The following ZFHX3 variants were observed in gnomAD, a reference collection of about 807,000 sequenced individuals.
ZFHX3 encodes the protein zinc finger homeobox 3.
In ZFHX3, 42 loss-of-function variants were observed where a neutral mutation model predicts 279.1. That is an observed-to-expected ratio of 0.15 (90% confidence interval 0.12 to 0.19). ZFHX3 has a LOEUF of 0.19. Ranked by LOEUF, ZFHX3 falls within the 10% of genes least tolerant of loss-of-function variation. The pLI is 1.00. For synonymous variants in ZFHX3, 2,293 were observed against 1,957.8 expected (o/e 1.17, Z -4.52); for missense variants, 4,981 against 4,754.0 (o/e 1.05, Z -1.40).
chr16:73,629,002 A>G (rs541223051), intron 2 of ZFHX3, among the ~76,000 whole-genome samples: 1 of 152,344 alleles, frequency 6.6e-6, no homozygotes, highest in South Asian at 2.1e-4. Flanking sequence ...CAATGAATCC[A>G]CAATGCACAC....
intron 5 of ZFHX3, among the ~76,000 whole-genome samples, chr16:73,216,739 G>A (rs1159934700): frequency 1.3e-5 from 2 of 151,866 alleles, no homozygotes; most frequent in African/African-American, 2.4e-5. Flanking sequence ...CTCCAGCCTG[G>A]GTGACCGAGC....
At chr16:73,368,597 T>A (rs1254623192) in intron 3 of ZFHX3, among the ~76,000 whole-genome samples, 3 of 152,198 alleles carry the variant, frequency 2.0e-5, no homozygotes, top group Admixed American at 6.5e-5. Flanking sequence ...GTCACTTGAA[T>A]CACTTAAAAA....
Position 72,958,235 on chromosome 16 carries a change from C to T in ZFHX3, c.1911G>A (p.Gly637=). 5.0e-6 allele frequency: 8 copies of T among 1,612,788 alleles called. No individual in the cohort carries two copies. The highest frequency in any genetic ancestry group is 6.8e-6 in the Non-Finnish European group (8 of 1,178,876). ...CGCATTTGGGGCACTCCACGCCACT[C>T]CCCGAGGGGCACTCCCCAACCCCAA... ...CELGVGECPS[G]SGVECPKCDT... Residue 637 remains glycine (G), a synonymous_variant, in exon 2 of 10, where the codon GGG becomes GGA. Coordinates refer to ENST00000268489, the MANE Select transcript of ZFHX3 (RefSeq NM_006885.4).
chr16:73,298,639 G>T (rs1416662334), intron 4 of ZFHX3, among the ~76,000 whole-genome samples: 1 of 152,118 alleles, frequency 6.6e-6, no homozygotes, highest in Non-Finnish European at 1.5e-5. Context: ...GTGGCCAGCT[G>T]TGATGCTCTT....
At chr16:73,174,654 G>A (rs546830756) in intron 5 of ZFHX3, among the ~76,000 whole-genome samples, 15 of 151,994 alleles carry the variant, frequency 9.9e-5, no homozygotes, top group Admixed American at 5.2e-4. Context: ...CCTTCTAAAT[G>A]GTCCCCACAC....
chr16:73,148,522 C>G lies in ZFHX3; in HGVS notation c.-1103-4691G>C, dbSNP rs141807463. 2.6e-3 allele frequency among the ~76,000 whole-genome samples: 386 copies of G among 146,526 alleles called. 2 individuals carry two copies. Among genetic ancestry groups the G allele is most frequent in the African/African-American group, 9.3e-3 (369 of 39,778 alleles). Reference sequence around the variant, plus strand: ...AATTTCTTCAGAGATTAAAGAATGGCCGCAAATGCGCCTTCGTCTGGCAAA... The same window carrying G: ...AATTTCTTCAGAGATTAAAGAATGGGCGCAAATGCGCCTTCGTCTGGCAAA... On this transcript the variant is annotated intron_variant, in intron 5 of 17. Coordinates refer to the ZFHX3 transcript ENST00000641206.
chr16:73,036,712 C>T (rs1471916699), intron 1 of ZFHX3, among the ~76,000 whole-genome samples: 7 of 151,762 alleles, frequency 4.6e-5, no homozygotes, highest in Non-Finnish European at 1.0e-4. Context: ...CTCGGTCGGT[C>T]GCTAGGAGAA....
chr16:73,569,856 C>T (rs2143804257), intron 2 of ZFHX3, among the ~76,000 whole-genome samples: 1 of 151,684 alleles, frequency 6.6e-6, no homozygotes, highest in Middle Eastern at 3.4e-3. Flanking sequence ...TCTTTATTAT[C>T]TTAATCTGCA....
At chr16:73,345,299 G>A (rs920174551) in intron 3 of ZFHX3, among the ~76,000 whole-genome samples, 8 of 152,004 alleles carry the variant, frequency 5.3e-5, no homozygotes, top group Non-Finnish European at 1.0e-4. Context: ...ATAGGTAAAC[G>A]TGTGTCATGG....
chr16:73,533,768 G>A (rs541672993), intron 2 of ZFHX3, among the ~76,000 whole-genome samples: 1 of 152,182 alleles, frequency 6.6e-6, no homozygotes, highest in Non-Finnish European at 1.5e-5. Flanking sequence ...AAAGTACTGG[G>A]AGGTCATCTT....
intron 3 of ZFHX3, among the ~76,000 whole-genome samples, chr16:73,407,765 T>A (rs1256153742): frequency 1.3e-5 from 2 of 152,282 alleles, no homozygotes; most frequent in South Asian, 4.1e-4. Context: ...CAGAGTGAAA[T>A]AAAGAGTAAA....
chr16:73,204,356 C>T (rs559639490), intron 5 of ZFHX3, among the ~76,000 whole-genome samples: 2 of 151,936 alleles, frequency 1.3e-5, no homozygotes, highest in African/African-American at 4.8e-5. Flanking sequence ...TCAATGGGAG[C>T]TCTGAGCTTG....
chr16:73,727,069 G>T (rs1464126244), intron 1 of ZFHX3, among the ~76,000 whole-genome samples: 1 of 152,198 alleles, frequency 6.6e-6, no homozygotes, highest in East Asian at 1.9e-4. Context: ...GGCCATCCAG[G>T]AGGACTAGGG....
chr16:73,326,704 C>T (rs983987138), intron 3 of ZFHX3, among the ~76,000 whole-genome samples: 2 of 152,158 alleles, frequency 1.3e-5, no homozygotes, highest in African/African-American at 4.8e-5. Context: ...GATGGTTGCA[C>T]AAACCTGTGA....
intron 3 of ZFHX3, among the ~76,000 whole-genome samples, chr16:73,370,269 CG>C: frequency 1.3e-5 from 2 of 152,348 alleles, no homozygotes; most frequent in Admixed American, 1.3e-4. Context: ...GTGTCAGCTT[CG>C]GGAGTCAGAA....
chr16:72,809,529 A>G (rs2036375415), intron 7 of ZFHX3: 1 of 150,722 alleles, frequency 6.6e-6, no homozygotes. Flanking sequence ...CAGAAAGTTA[A>G]TTTAACTTCA....
At chr16:73,065,934 G>A (rs1471921902) in intron 8 of ZFHX3, among the ~76,000 whole-genome samples, 3 of 152,230 alleles carry the variant, frequency 2.0e-5, no homozygotes, top group South Asian at 2.1e-4. Context: ...CTTCCCGTGC[G>A]CTCATGACAC....
intron 1 of ZFHX3, among the ~76,000 whole-genome samples, chr16:73,858,760 T>G (rs1961805397): frequency 6.6e-6 from 1 of 152,214 alleles, no homozygotes; most frequent in Admixed American, 6.5e-5. Context: ...AGTGTGGTTT[T>G]AATACGGGGT....
At chr16:72,906,730 G>A (rs2039183158) in intron 3 of ZFHX3, among the ~76,000 whole-genome samples, 1 of 152,124 alleles carries the variant, frequency 6.6e-6, no homozygotes, top group African/African-American at 2.4e-5. Flanking sequence ...CCTGGGAGCT[G>A]GAGGTTACAG....
Sources: allele counts gnomAD v4.1 joint callset (sites outside exome capture counted in the v4.1 genomes callset), GRCh38; gene constraint gnomAD v4.1.1; transcripts MANE v1.5; gene names NCBI Gene and HGNC (gene_info 2026-07-23, HGNC 2026-07-21).